SFXN1: variants seen among roughly 807,000 people sequenced by gnomAD.
SFXN1 encodes sideroflexin-1.
Under a neutral mutation model 39.5 loss-of-function variants are expected in SFXN1, and 32 were observed. The observed-to-expected ratio is 0.81, with a 90% confidence interval of 0.61 to 1.09. The LOEUF (loss-of-function observed/expected upper bound fraction) is 1.09. Among genes scored for constraint, SFXN1 ranks in the 50% least tolerant of loss-of-function variants. The probability of loss-of-function intolerance (pLI) is 0.00; values close to 1 mark genes in which losing one functional copy is unlikely to be tolerated. For missense variants in SFXN1, 402 were observed against 407.1 expected (o/e 0.99, Z 0.11); for synonymous variants, 136 against 146.5 (o/e 0.93, Z 0.52).
chr5:175,492,923 A>G (rs867483626), intron 2 of SFXN1, among the ~76,000 whole-genome samples: 2 of 152,214 alleles, frequency 1.3e-5, no homozygotes, highest in Middle Eastern at 3.4e-3. Context: ...TTAAGTTTTT[A>G]TTTGTGTTTT....
intron 7 of SFXN1, chr5:175,513,870 C>T: frequency 3.7e-6 from 1 of 271,854 alleles, no homozygotes. Flanking sequence ...AATATTCTGG[C>T]AGAGGGAACC....
chr5:175,493,049 C>G (rs540134798), intron 2 of SFXN1, among the ~76,000 whole-genome samples: 17 of 152,152 alleles, frequency 1.1e-4, no homozygotes, highest in African/African-American at 3.9e-4. Flanking sequence ...GTCAGGAGAT[C>G]GAGACCATCC....
intron 2 of SFXN1, among the ~76,000 whole-genome samples, chr5:175,503,496 A>T (rs966844328): frequency 6.6e-6 from 1 of 152,376 alleles, no homozygotes; most frequent in East Asian, 1.9e-4. Context: ...AGTGTAATTT[A>T]TCACATCAAT....
intron 8 of SFXN1, among the ~76,000 whole-genome samples, chr5:175,518,828 G>A (rs755526640): frequency 1.3e-5 from 2 of 152,074 alleles, no homozygotes; most frequent in Non-Finnish European, 2.9e-5. Context: ...AATAGAACAC[G>A]GGCTAGGCAA....
At position 175,488,305 on chromosome 5, in the gene SFXN1, CT is replaced by C. The variant is rs541900398; in HGVS notation, c.-9-3776del. The stretch of plus-strand genomic sequence containing the variant: ...TTCTTTGAAGACACCAGATGCATTT[CT>C]TTTTTTTTTTTTTGAGACGGAGTTT... On this transcript the variant is annotated intron_variant, in intron 1 of 10. Transcript: ENST00000321442. Among the ~76,000 whole-genome samples, 255 of 143,092 alleles carry C rather than the reference CT, an allele frequency of 1.8e-3. 1 individual carries two copies. Among genetic ancestry groups the C allele is most frequent in the East Asian group, 2.4e-3 (12 of 4,968 alleles). 93.9% of individuals were successfully genotyped at this position (143,092 alleles called of 152,430 possible). A position where few individuals can be genotyped will look rare whatever the true frequency, so the allele number is the denominator to read the frequency against.
intron 10 of SFXN1, chr5:175,523,989 A>C (rs1760955729): frequency 6.6e-6 from 1 of 151,012 alleles, no homozygotes; most frequent in African/African-American, 2.4e-5. Context: ...GAATATCCAC[A>C]AATTCAGTGC....
chr5:175,480,849 G>C (rs1416620274), intron 1 of SFXN1, among the ~76,000 whole-genome samples: 2 of 152,236 alleles, frequency 1.3e-5, no homozygotes, highest in East Asian at 3.8e-4. Context: ...GTAGAACCAT[G>C]AGTGTGACCA....
intron 1 of SFXN1, among the ~76,000 whole-genome samples, chr5:175,480,199 A>G (rs1759183330): frequency 6.6e-6 from 1 of 152,212 alleles, no homozygotes; most frequent in Admixed American, 6.5e-5. Flanking sequence ...CAGGAGATCA[A>G]GACCATCCTG....
Position 175,528,667 on chromosome 5 carries a change from G to A in SFXN1, c.*1933G>A, listed in dbSNP as rs75243161. On this transcript the variant is annotated 3_prime_UTR_variant, in exon 11 of 11. Coordinates refer to ENST00000321442, the MANE Select transcript of SFXN1 (RefSeq NM_022754.7). ...AGGATTAATAGATCTGAAGCTTTGGGCCACTCAGAGCCTTCCTTGATGCTG... is the reference window on the plus strand; with the variant it reads ...AGGATTAATAGATCTGAAGCTTTGGACCACTCAGAGCCTTCCTTGATGCTG... 6.6e-6 allele frequency: 1 copy of A among 152,076 alleles called. No individual in the cohort carries two copies. The highest frequency in any genetic ancestry group is 1.5e-5 in the Non-Finnish European group (1 of 68,008). 9.4% of individuals were successfully genotyped at this position (152,076 alleles called of 1,614,324 possible).
intron 6 of SFXN1, 39 bp from the exon 7 acceptor site, chr5:175,513,424 G>A (rs1268108749): frequency 1.3e-6 from 2 of 1,598,016 alleles, no homozygotes; most frequent in African/African-American, 2.7e-5. Flanking sequence ...GTTTATTGAA[G>A]GCATTGGTGG....
At chr5:175,519,192 A>G (rs982389739) in intron 8 of SFXN1, among the ~76,000 whole-genome samples, 1 of 152,206 alleles carries the variant, frequency 6.6e-6, no homozygotes, top group Admixed American at 6.5e-5. Context: ...AACTAAAAAG[A>G]TTGATCATAG....
chr5:175,508,003 A>G, intron 2 of SFXN1, among the ~76,000 whole-genome samples: 1 of 149,020 alleles, frequency 6.7e-6, no homozygotes, highest in Non-Finnish European at 1.5e-5. Flanking sequence ...TTCTTCCTGA[A>G]CTAGCTTTTC....
rs772252341 is a variant in SFXN1, at chr5:175,512,150, G to C, written c.550G>C (p.Ala184Pro). Reference protein sequence around the residue: ...PLIGRFVPFAAVAAANCINIP... With the variant: ...PLIGRFVPFAPVAAANCINIP... ...GATAGGACGTTTTGTTCCCTTTGCTGCCGTAGCTGCTGCTAATTGCATTAA... is the reference window on the plus strand; with the variant it reads ...GATAGGACGTTTTGTTCCCTTTGCTCCCGTAGCTGCTGCTAATTGCATTAA... Residue 184 changes from alanine to proline, a missense_variant, in exon 6 of 11, where the codon GCC (alanine) becomes CCC (proline). Ala to Pro is a conservative substitution (Grantham distance 27, BLOSUM62 -1). Transcript: ENST00000321442. 2 of 1,614,198 alleles carry C rather than the reference G, an allele frequency of 1.2e-6. No individual in the cohort carries two copies. Among genetic ancestry groups the C allele is most frequent in the Non-Finnish European group, 1.7e-6 (2 of 1,180,042 alleles).
intron 2 of SFXN1, among the ~76,000 whole-genome samples, chr5:175,506,438 GT>G (rs539422341): frequency 1.1e-3 from 172 of 152,158 alleles, no homozygotes; most frequent in Non-Finnish European, 2.2e-3. Context: ...CATAGCCAAA[GT>G]TTTAATGTTG....
At chr5:175,514,496 G>GA (rs566724026) in intron 7 of SFXN1, among the ~76,000 whole-genome samples, 74 of 151,750 alleles carry the variant, frequency 4.9e-4, no homozygotes, top group Non-Finnish European at 8.5e-4. Context: ...GCTCTTCACA[G>GA]AAAAAAAACA....
At chr5:175,497,308 T>C (rs1453387545) in intron 2 of SFXN1, among the ~76,000 whole-genome samples, 1 of 152,192 alleles carries the variant, frequency 6.6e-6, no homozygotes, top group Non-Finnish European at 1.5e-5. Flanking sequence ...CAGGGGAGAT[T>C]AGTTCAAGGG....
intron 2 of SFXN1, among the ~76,000 whole-genome samples, chr5:175,494,141 T>C (rs897221278): frequency 6.6e-6 from 1 of 152,112 alleles, no homozygotes; most frequent in Non-Finnish European, 1.5e-5. Context: ...GAAAGTAAAA[T>C]GGAATTTTCC....
intron 4 of SFXN1, 34 bp from the exon 5 acceptor site, chr5:175,511,417 T>A: frequency 6.4e-7 from 1 of 1,564,488 alleles, no homozygotes; most frequent in Non-Finnish European, 8.8e-7. Context: ...TGACATGCCC[T>A]CGTCGTCCAC....
chr5:175,492,168 T>A lies in SFXN1; in HGVS notation c.65T>A (p.Ile22Asn), dbSNP rs138167536. The change falls in exon 2 of 11, where the codon ATT (isoleucine) becomes AAT (asparagine). Residue 22 changes from isoleucine to asparagine, a missense_variant. Ile to Asn is a moderately radical substitution (Grantham distance 149). Coordinates refer to ENST00000321442, the MANE Select transcript of SFXN1 (RefSeq NM_022754.7). ...CCTCGATGGGATCAAAGCACTTTCA[T>A]TGGACGAGCCAATCATTTCTTCACT... ...KEPRWDQSTF[I>N]GRANHFFTVT... 6.2e-7 allele frequency: 1 copy of A among 1,614,124 alleles called. No individual in the cohort carries two copies. The highest frequency in any genetic ancestry group is 2.2e-5 in the East Asian group (1 of 44,866).
Sources: gnomAD v4.1 joint callset for allele counts (sites outside exome capture counted in the v4.1 genomes callset) on GRCh38, gnomAD v4.1.1 for gene constraint, MANE v1.5 for transcripts, NCBI Gene and HGNC (gene_info 2026-07-23, HGNC 2026-07-21) for gene names.